DCDC1: variants seen among roughly 807,000 people sequenced by gnomAD.
The protein encoded by DCDC1 is doublecortin domain containing 1, also known as doublecortin domain-containing protein 1.
Under a neutral mutation model 178.3 loss-of-function variants are expected in DCDC1, and 200 were observed. The ratio of observed to expected loss-of-function variants is 1.12; its 90% CI spans 1.00 to 1.26. DCDC1 has a LOEUF of 1.26. DCDC1 is among the 50% of genes most tolerant of loss of function. The pLI is 0.00. For synonymous variants in DCDC1, 690 were observed against 604.8 expected (o/e 1.14, Z -2.07); for missense variants, 1,983 against 1,749.2 (o/e 1.13, Z -2.38).
chr11:31,209,571 T>C (rs1972260403), intron 9 of DCDC1, among the ~76,000 whole-genome samples: 1 of 152,186 alleles, frequency 6.6e-6, no homozygotes. Context: ...TAAAAAGTCC[T>C]GAAACATCTA....
At chr11:31,104,923 T>A (rs1244108409) in intron 13 of DCDC1, among the ~76,000 whole-genome samples, 1 of 152,012 alleles carries the variant, frequency 6.6e-6, no homozygotes, top group Non-Finnish European at 1.5e-5. Flanking sequence ...AATAAAAAAT[T>A]GAAGGAAAAA....
At chr11:31,125,930 T>A (rs1377187162) in intron 11 of DCDC1, among the ~76,000 whole-genome samples, 1 of 151,798 alleles carries the variant, frequency 6.6e-6, no homozygotes, top group Non-Finnish European at 1.5e-5. Context: ...TAAAAAAAAA[T>A]TAAAATTAAA....
chr11:30,865,746 G>C (rs1425052514), intron 38 of DCDC1, among the ~76,000 whole-genome samples: 1 of 152,042 alleles, frequency 6.6e-6, no homozygotes, highest in African/African-American at 2.4e-5. Context: ...TACCTCATAG[G>C]ATAATAGTTT....
intron 9 of DCDC1, among the ~76,000 whole-genome samples, chr11:31,190,909 C>T (rs1037745220): frequency 1.3e-5 from 2 of 152,000 alleles, no homozygotes; most frequent in Non-Finnish European, 2.9e-5. Flanking sequence ...ACTCTACACA[C>T]AGTCATCCCT....
intron 8 of DCDC1, among the ~76,000 whole-genome samples, chr11:31,250,316 G>C (rs1170597716): frequency 6.8e-6 from 1 of 146,708 alleles, no homozygotes; most frequent in Non-Finnish European, 1.5e-5. Flanking sequence ...AAAAAATTAT[G>C]AGTGGATGCT....
intron 11 of DCDC1, among the ~76,000 whole-genome samples, chr11:31,116,537 T>G (rs1959990288): frequency 1.3e-5 from 2 of 152,056 alleles, no homozygotes; most frequent in African/African-American, 2.4e-5. Flanking sequence ...AGGATGGTTT[T>G]TAGAATATCC....
chr11:31,022,696 TTATC>T (rs1336221601), intron 20 of DCDC1, among the ~76,000 whole-genome samples: 24 of 139,666 alleles, frequency 1.7e-4, no homozygotes, highest in African/African-American at 4.5e-4. Flanking sequence ...TGGTATGTGT[TTATC>T]TATCTATATG....
At chr11:31,265,636 A>C (rs755857079) in intron 7 of DCDC1, 36 bp from the exon 8 acceptor site, 1 of 1,101,208 alleles carries the variant, frequency 9.1e-7, no homozygotes, top group Non-Finnish European at 1.2e-6. Flanking sequence ...TAATTTAGTA[A>C]ACTGGTTAAA....
rs1023118683 is a variant in DCDC1 at position 30,900,448 on chromosome 11, A to T, written c.4561T>A (p.Ser1521Thr). The T allele has an allele frequency of 6.4e-7, 1 of 1,556,340 alleles. No homozygotes were observed. The highest frequency in any genetic ancestry group is 8.7e-7 in the Non-Finnish European group (1 of 1,149,728). The change falls in exon 33 of 39, where the codon TCC (serine) becomes ACC (threonine). Residue 1521 changes from serine (S) to threonine (T), a missense_variant. Coordinates refer to ENST00000684477, the MANE Select transcript of DCDC1 (RefSeq NM_001387274.1). ...TTGTCTATACCATCCAAACTATCGG[A>T]TGTCACAGATTTTGCAAATAATCTG... is the stretch of plus-strand genomic sequence containing the variant. The part of the protein sequence containing the change: ...KNRLFAKSVT[S>T]DSLDGIDKSL...
intron 10 of DCDC1, among the ~76,000 whole-genome samples, chr11:31,135,043 T>C (rs917679924): frequency 6.6e-6 from 1 of 152,128 alleles, no homozygotes; most frequent in African/African-American, 2.4e-5. Context: ...TTAACATATA[T>C]CATCACCTCA....
At position 30,922,542 on chromosome 11, in the gene DCDC1, C is replaced by T. The variant is rs1373420727; in HGVS notation, c.3094G>A (p.Ala1032Thr). Residue 1032 changes from alanine to threonine, a missense_variant, in exon 24 of 39, where the codon GCC (alanine) becomes ACC (threonine). Coordinates refer to ENST00000684477, the MANE Select transcript of DCDC1 (RefSeq NM_001387274.1). ...IFLRNLESDI[A>T]KIQIFCSTHK... The stretch of plus-strand genomic sequence containing the variant: ...GTGCTGCAGAAGATTTGAATTTTGG[C>T]AATGTCTGATTCTAGGTTCCTCAGG... 6.3e-7 allele frequency: 1 copy of T among 1,579,378 alleles called. No homozygotes were observed. The highest frequency in any genetic ancestry group is 1.9e-5 in the Admixed American group (1 of 51,862).
chr11:30,996,561 G>A (rs758059401), intron 20 of DCDC1, among the ~76,000 whole-genome samples: 4 of 152,142 alleles, frequency 2.6e-5, no homozygotes, highest in Non-Finnish European at 5.9e-5. Flanking sequence ...AAAAGGGCGT[G>A]ACAAAGGGAG....
intron 7 of DCDC1, among the ~76,000 whole-genome samples, chr11:31,289,804 T>C (rs2137384085): frequency 6.6e-6 from 1 of 152,088 alleles, no homozygotes; most frequent in East Asian, 1.9e-4. Context: ...TCTGTTTTTT[T>C]AGATGAAGAA....
At chr11:31,208,384 T>C (rs150895191) in intron 9 of DCDC1, among the ~76,000 whole-genome samples, 96 of 152,318 alleles carry the variant, frequency 6.3e-4, no homozygotes, top group East Asian at 5.4e-3. Context: ...TTCAGGACTA[T>C]TTCCAAAATA....
chr11:31,159,605 CAGTA>C (rs1326437760), intron 9 of DCDC1, among the ~76,000 whole-genome samples: 1 of 152,192 alleles, frequency 6.6e-6, no homozygotes, highest in Non-Finnish European at 1.5e-5. Flanking sequence ...ACGATGCAGG[CAGTA>C]AGTGTGAGCC....
intron 20 of DCDC1, among the ~76,000 whole-genome samples, chr11:31,008,819 T>C (rs965015993): frequency 6.6e-6 from 1 of 152,190 alleles, no homozygotes; most frequent in Non-Finnish European, 1.5e-5. Context: ...AGCAAAGGCA[T>C]ATTTTTCATT....
intron 20 of DCDC1, among the ~76,000 whole-genome samples, chr11:31,001,643 A>G (rs1951586477): frequency 6.6e-6 from 1 of 152,166 alleles, no homozygotes; most frequent in Non-Finnish European, 1.5e-5. Context: ...AAACAGACAA[A>G]CCACTCTGTG....
intron 17 of DCDC1, among the ~76,000 whole-genome samples, chr11:31,083,264 T>C (rs1387113490): frequency 2.0e-5 from 3 of 152,238 alleles, no homozygotes; most frequent in African/African-American, 7.2e-5. Context: ...CAGGGTTCCA[T>C]GTAAGTCTGA....
intron 9 of DCDC1, among the ~76,000 whole-genome samples, chr11:31,164,043 A>ACCC (rs1966554120): frequency 6.6e-6 from 1 of 152,188 alleles, no homozygotes; most frequent in South Asian, 2.1e-4. Context: ...AACATACTGG[A>ACCC]CCACTATACT....
Sources: gnomAD v4.1 joint callset for allele counts (sites outside exome capture counted in the v4.1 genomes callset) on GRCh38, gnomAD v4.1.1 for gene constraint, MANE v1.5 for transcripts, NCBI Gene and HGNC (gene_info 2026-07-23, HGNC 2026-07-21) for gene names.